Variants in DIAPH2 observed in about 807,000 individuals in gnomAD.
The protein encoded by DIAPH2 is diaphanous related formin 2, also known as protein diaphanous homolog 2.
Under a neutral mutation model 92.7 loss-of-function variants are expected in DIAPH2, and 35 were observed. The observed-to-expected ratio is 0.38, with a 90% CI of 0.29 to 0.50. The LOEUF (loss-of-function observed/expected upper bound fraction) is 0.50, where lower values mean the gene tolerates loss of function less well. Ranked by LOEUF, DIAPH2 falls within the 20% of genes least tolerant of loss-of-function variation. The pLI is 0.94. For synonymous variants in DIAPH2, 301 were observed against 280.4 expected (o/e 1.07, Z -0.73); for missense variants, 701 against 819.5 (o/e 0.86, Z 1.77).
chrX:97,570,075 AATATATAT>A (rs1164491863), intron 26 of DIAPH2, among the ~76,000 whole-genome samples: 322 of 12,085 alleles, frequency 0.027, 8 homozygotes, highest in South Asian at 0.084. Flanking sequence ...AAGGCCTTCT[AATATATAT>A]ATATATATAT....
intron 22 of DIAPH2, among the ~76,000 whole-genome samples, chrX:97,183,195 T>C (rs2067554031): frequency 9.0e-6 from 1 of 111,379 alleles, no homozygotes; most frequent in Admixed American, 9.6e-5. Flanking sequence ...AAATGTCAGT[T>C]TGGGGTATGC....
chrX:97,347,445 A>T lies in DIAPH2; in HGVS notation c.2845-671A>T, dbSNP rs774669683. Among the ~76,000 whole-genome samples, 411 of 109,429 alleles carry T rather than the reference A, an allele frequency of 3.8e-3. 3 individuals carry two copies. Among genetic ancestry groups the T allele is most frequent in the African/African-American group, 0.013 (391 of 30,316 alleles). On this transcript the variant is annotated intron_variant, in intron 23 of 26. Transcript: ENST00000324765. ...GATGTATATTAAAAAGAGAGAAAAA[A>T]AAATATATATATAGTTTTTTCTTTA... is the stretch of plus-strand genomic sequence containing the variant.
At chrX:96,812,553 C>T (rs1056615788) in intron 4 of DIAPH2, among the ~76,000 whole-genome samples, 2 of 110,481 alleles carry the variant, frequency 1.8e-5, no homozygotes, top group South Asian at 3.8e-4. Flanking sequence ...TATTTCTTGC[C>T]CTCTGCTAGC....
intron 3 of DIAPH2, among the ~76,000 whole-genome samples, chrX:96,749,105 A>G (rs1459581025): frequency 1.1e-5 from 1 of 93,889 alleles, no homozygotes; most frequent in Non-Finnish European, 2.1e-5. Flanking sequence ...GAGTCTCTAA[A>G]CCTTTTATTT....
intron 23 of DIAPH2, among the ~76,000 whole-genome samples, chrX:97,259,159 C>T (rs2068268746): frequency 9.2e-6 from 1 of 108,933 alleles, no homozygotes; most frequent in Non-Finnish European, 1.9e-5. Flanking sequence ...GTAGTCCCAG[C>T]TATGAGTAGT....
intron 4 of DIAPH2, among the ~76,000 whole-genome samples, chrX:96,837,941 G>A (rs1049895755): frequency 1.8e-5 from 2 of 111,680 alleles, no homozygotes; most frequent in Admixed American, 9.6e-5. Flanking sequence ...TCTTCAGTAT[G>A]TGTCTGAAAG....
At position 97,058,461 on chromosome X, in the gene DIAPH2, C is replaced by CT. The variant is rs35551569; in HGVS notation, c.2051-14463dup. Among the ~76,000 whole-genome samples the CT allele has an allele frequency of 3.1e-3, 279 of 89,367 alleles. 1 individual carries two copies. The highest frequency in any genetic ancestry group is 7.0e-3 in the African/African-American group (172 of 24,596). 77.6% of individuals were successfully genotyped at this position (89,367 alleles called of 115,157 possible). A position where few individuals can be genotyped will look rare whatever the true frequency, so the allele number is the denominator to read the frequency against. On this transcript the variant is annotated intron_variant, in intron 17 of 26. Coordinates refer to ENST00000324765, the MANE Select transcript of DIAPH2 (RefSeq NM_006729.5). ...CTGAAATGGCCTATTTTCTTCTGGT[C>CT]TTTTTTTTTTTTTTTTTAAGTATTT...
intron 26 of DIAPH2, chrX:97,454,119 C>T (rs1650706988): frequency 8.9e-6 from 1 of 112,034 alleles, no homozygotes; most frequent in South Asian, 3.8e-4. Flanking sequence ...GAGAGTCTTC[C>T]AAGTACCTTA....
At chrX:96,926,867 T>C (rs1338141896) in intron 9 of DIAPH2, among the ~76,000 whole-genome samples, 1 of 111,539 alleles carries the variant, frequency 9.0e-6, no homozygotes, top group Non-Finnish European at 1.9e-5. Flanking sequence ...GAAAATTCAC[T>C]GATTTTTTGT....
At chrX:97,292,902 G>A (rs5921769) in intron 23 of DIAPH2, among the ~76,000 whole-genome samples, 54,554 of 109,988 alleles carry the variant, frequency 0.5, 10,055 homozygotes, top group Non-Finnish European at 0.59. Flanking sequence ...CTAAATAATA[G>A]CCATTTGGAA....
chrX:97,253,293 A>AAAAAAAAATAAAAT (rs748186406), intron 23 of DIAPH2, among the ~76,000 whole-genome samples: 3,319 of 91,719 alleles, frequency 0.036, 60 homozygotes, highest in African/African-American at 0.055. Context: ...CTCCGTAAAA[A>AAAAAAAAATAAAAT]AAAATAAAAT....
intron 17 of DIAPH2, among the ~76,000 whole-genome samples, chrX:97,065,613 T>A (rs963817228): frequency 1.8e-5 from 2 of 111,324 alleles, no homozygotes; most frequent in African/African-American, 6.5e-5. Flanking sequence ...TAAACAACCA[T>A]GTTACTGGTT....
chrX:97,094,153 A>G (rs1005930627), intron 19 of DIAPH2, among the ~76,000 whole-genome samples: 2 of 111,379 alleles, frequency 1.8e-5, no homozygotes, highest in Admixed American at 1.9e-4. Context: ...TAATGATGGG[A>G]CATCTGGGTG....
intron 4 of DIAPH2, among the ~76,000 whole-genome samples, chrX:96,861,291 A>G (rs747956089): frequency 1.2e-4 from 13 of 111,721 alleles, no homozygotes; most frequent in Non-Finnish European, 2.3e-4. Flanking sequence ...AAACAAAACA[A>G]AACAGCAACA....
At chrX:96,814,090 G>A (rs1385752918) in intron 4 of DIAPH2, among the ~76,000 whole-genome samples, 2 of 111,621 alleles carry the variant, frequency 1.8e-5, no homozygotes, top group South Asian at 7.6e-4. Flanking sequence ...GTTTGGGGAA[G>A]TTCTCCTGGA....
chrX:96,854,972 T>TA (rs1174743100), intron 4 of DIAPH2, among the ~76,000 whole-genome samples: 5 of 110,275 alleles, frequency 4.5e-5, no homozygotes, highest in African/African-American at 1.6e-4. Flanking sequence ...AACATTGAGA[T>TA]ACTGAATGAA....
At chrX:97,184,319 T>C (rs2067563632) in intron 22 of DIAPH2, among the ~76,000 whole-genome samples, 1 of 112,294 alleles carries the variant, frequency 8.9e-6, no homozygotes, top group South Asian at 3.7e-4. Context: ...ACTTATCTCT[T>C]CTTTCTGTTA....
At chrX:97,255,121 A>G (rs1361822558) in intron 23 of DIAPH2, among the ~76,000 whole-genome samples, 2 of 111,778 alleles carry the variant, frequency 1.8e-5, no homozygotes, top group East Asian at 5.6e-4. Context: ...GGTCTTTCCG[A>G]CATTAAACCT....
intron 26 of DIAPH2, among the ~76,000 whole-genome samples, chrX:97,518,996 A>G (rs2070971497): frequency 8.9e-6 from 1 of 111,897 alleles, no homozygotes. Flanking sequence ...TACATAAAGA[A>G]TTTCTGGATT....
Sources: allele counts gnomAD v4.1 joint callset (sites outside exome capture counted in the v4.1 genomes callset), GRCh38; gene constraint gnomAD v4.1.1; transcripts MANE v1.5; gene names NCBI Gene and HGNC (gene_info 2026-07-23, HGNC 2026-07-21).